Variants in ZC3H18 observed in about 807,000 individuals in gnomAD.
The protein encoded by ZC3H18 is zinc finger CCCH-type containing 18, also known as zinc finger CCCH domain-containing protein 18.
A neutral mutation model predicts 106.1 loss-of-function variants in ZC3H18; 8 were observed. The ratio of observed to expected loss-of-function variants is 0.08; its 90% CI spans 0.04 to 0.14. ZC3H18 has a LOEUF of 0.14. ZC3H18 is among the 10% of genes least tolerant of loss of function. The pLI is 1.00. For synonymous variants in ZC3H18, 635 were observed against 522.1 expected, an observed-to-expected ratio of 1.22 and a Z score of -2.95; for missense variants, 1,318 against 1,278.4, an observed-to-expected ratio of 1.03 and a Z score of -0.47.
At chr16:88,575,410 G>A (rs993023719) in intron 1 of ZC3H18, among the ~76,000 whole-genome samples, 4 of 152,082 alleles carry the variant, frequency 2.6e-5, no homozygotes, top group African/African-American at 7.2e-5. Context: ...CGTGACATAC[G>A]TTATTTTAAC....
intron 6 of ZC3H18, 122 bp from the exon 7 acceptor site, chr16:88,608,812 G>T: frequency 1.4e-6 from 1 of 718,128 alleles, no homozygotes. Context: ...AGCCAACCTT[G>T]CGCTCCTGGA....
rs1218817801 is a variant in ZC3H18 at position 88,631,704 on chromosome 16, G to A, written c.*405G>A. 11 of 450,886 alleles carry A rather than the reference G, an allele frequency of 2.4e-5. No individual in the cohort carries two copies. The highest frequency in any genetic ancestry group is 1.0e-4 in the African/African-American group (5 of 49,822). 27.9% of individuals were successfully genotyped at this position (450,886 alleles called of 1,614,324 possible). On this transcript the variant is annotated 3_prime_UTR_variant, in exon 18 of 18. Coordinates refer to ENST00000301011, the MANE Select transcript of ZC3H18 (RefSeq NM_144604.4). ...CCTGAGCTGAGAAACGGAACCTCGC[G>A]AACCACTGGTGGCACATCCTTCTCC...
At chr16:88,624,500 A>G (rs1283433365) in intron 11 of ZC3H18, 102 bp from the exon 12 acceptor site, 9 of 1,555,438 alleles carry the variant, frequency 5.8e-6, no homozygotes, top group Non-Finnish European at 8.8e-7. Flanking sequence ...CGTCACAGGC[A>G]TGCAGTGTCG....
intron 8 of ZC3H18, among the ~76,000 whole-genome samples, chr16:88,612,536 G>A (rs577515193): frequency 6.6e-6 from 1 of 151,850 alleles, no homozygotes; most frequent in Non-Finnish European, 1.5e-5. Flanking sequence ...AATTAGCTGG[G>A]GGAGGTGGCA....
intron 2 of ZC3H18, among the ~76,000 whole-genome samples, chr16:88,580,156 C>CTGTG (rs56406234): frequency 0.01 from 1,313 of 126,778 alleles, 11 homozygotes; most frequent in African/African-American, 0.022. Flanking sequence ...ACAGGTTCAT[C>CTGTG]TGTGTGTGTG....
chr16:88,617,623 T>C (rs1905703381), intron 8 of ZC3H18, among the ~76,000 whole-genome samples: 1 of 152,256 alleles, frequency 6.6e-6, no homozygotes, highest in Admixed American at 6.5e-5. Context: ...ACTTCCAGGT[T>C]TACCTTTGCA....
Position 88,577,180 on chromosome 16 carries a change from G to C in ZC3H18, c.57G>C (p.Gln19His), listed in dbSNP as rs1313405847. 2 of 1,607,482 alleles carry C rather than the reference G, an allele frequency of 1.2e-6. No individual in the cohort carries two copies. Among genetic ancestry groups the C allele is most frequent in the Non-Finnish European group, 1.7e-6 (2 of 1,176,026 alleles). ...CTCACTCTCCAGAGGATGAAGAGCA[G>C]CCACAGGGACTCTCGGACGATGACA... ...RDPHSPEDEE[Q>H]PQGLSDDDIL... Residue 19 changes from glutamine (Q) to histidine (H), a missense_variant, in exon 2 of 18, where the codon CAG (glutamine) becomes CAC (histidine). This residue lies in a region of ZC3H18 where 346 missense variants were observed against 269.0 expected (regional missense o/e 1.29). Coordinates refer to ENST00000301011, the MANE Select transcript of ZC3H18 (RefSeq NM_144604.4).
intron 2 of ZC3H18, among the ~76,000 whole-genome samples, chr16:88,582,488 A>G (rs1201897939): frequency 6.6e-6 from 1 of 152,114 alleles, no homozygotes; most frequent in Non-Finnish European, 1.5e-5. Flanking sequence ...GTCTGGATCC[A>G]TGAGCTCTTC....
rs114866066 is a variant in ZC3H18, at chr16:88,577,398, C to A, written c.275C>A (p.Pro92Gln). 3.8e-6 allele frequency: 6 copies of A among 1,598,328 alleles called. No individual in the cohort carries two copies. Among genetic ancestry groups the A allele is most frequent in the South Asian group, 3.4e-5 (3 of 89,252 alleles). Reference protein sequence around the residue: ...DSEVNELSRGPTSSPCEEEGD... With the variant: ...DSEVNELSRGQTSSPCEEEGD... ...GAGGTGAATGAGCTGAGCCGGGGCC[C>A]GACCAGCTCCCCCTGCGAGGAGGAG... Residue 92 changes from proline to glutamine, a missense_variant, in exon 2 of 18, where the codon CCG becomes CAG. By Grantham distance (76) the Pro-to-Gln change is moderately conservative. This residue lies in a region of ZC3H18 where 346 missense variants were observed against 269.0 expected (regional missense o/e 1.29). Coordinates refer to ENST00000301011, the MANE Select transcript of ZC3H18 (RefSeq NM_144604.4).
intron 8 of ZC3H18, among the ~76,000 whole-genome samples, chr16:88,617,441 GC>G (rs1222462846): frequency 6.6e-6 from 1 of 152,236 alleles, no homozygotes; most frequent in Admixed American, 6.5e-5. Context: ...AGCTAAGGGG[GC>G]GGTCCCTTAT....
Position 88,586,664 on chromosome 16 carries a change from C to T in ZC3H18, c.668C>T (p.Thr223Ile), listed in dbSNP as rs756358775. 9.9e-6 allele frequency: 16 copies of T among 1,614,204 alleles called. No homozygotes were observed. The highest frequency in any genetic ancestry group is 1.4e-5 in the Non-Finnish European group (16 of 1,180,030). The change falls in exon 3 of 18, where the codon ACC (threonine) becomes ATC (isoleucine). Residue 223 changes from threonine (T) to isoleucine (I), a missense_variant. This residue lies in a region of ZC3H18 where 30 missense variants were observed against 63.3 expected (regional missense o/e 0.47). Transcript: ENST00000301011. ...GACAGGAAGGTGAGGCCTCGTCCCACCTGCCGGTTCTTCATGAAAGGTAAT... is the reference window on the plus strand; with the variant it reads ...GACAGGAAGGTGAGGCCTCGTCCCATCTGCCGGTTCTTCATGAAAGGTAAT... ...PSDRKVRPRP[T>I]CRFFMKGNCT...
chr16:88,629,288 A>G (rs1411171172), intron 16 of ZC3H18, among the ~76,000 whole-genome samples: 1 of 152,324 alleles, frequency 6.6e-6, no homozygotes, highest in East Asian at 1.9e-4. Context: ...CAGCCTGGCT[A>G]ACATGGTGAA....
chr16:88,622,631 C>T (rs1597357409), intron 9 of ZC3H18: 2 of 507,344 alleles, frequency 3.9e-6, no homozygotes, highest in African/African-American at 1.9e-5. Context: ...AGCCTGACTG[C>T]TCCCAGGGAG....
At chr16:88,617,289 C>G (rs1258600181) in intron 8 of ZC3H18, among the ~76,000 whole-genome samples, 1 of 152,156 alleles carries the variant, frequency 6.6e-6, no homozygotes, top group Non-Finnish European at 1.5e-5. Flanking sequence ...CCAGCTCCCC[C>G]CTGGACCTGC....
intron 2 of ZC3H18, among the ~76,000 whole-genome samples, chr16:88,580,202 GTGTGTGTATA>G (rs1228259466): frequency 8.8e-4 from 88 of 100,480 alleles, no homozygotes; most frequent in Non-Finnish European, 1.2e-3. Context: ...GTGTGTGTGT[GTGTGTGTATA>G]TGTATATGTC....
At chr16:88,622,588 T>G (rs1906034423) in intron 9 of ZC3H18, 200 bp downstream of exon 9, 4 of 605,160 alleles carry the variant, frequency 6.6e-6, no homozygotes, top group Middle Eastern at 4.4e-4. Context: ...ACTGACGCAG[T>G]GACCCCAAAT....
chr16:88,591,055 C>G (rs1011509211), intron 3 of ZC3H18, among the ~76,000 whole-genome samples: 1 of 151,032 alleles, frequency 6.6e-6, no homozygotes, highest in South Asian at 2.1e-4. Flanking sequence ...ACTGCAAGCT[C>G]TGCCTCCTGG....
chr16:88,628,751 G>A lies in ZC3H18; in HGVS notation c.2470-7G>A, dbSNP rs1286202549. The A allele has an allele frequency of 7.4e-6, 12 of 1,613,746 alleles. No homozygotes were observed. The highest frequency in any genetic ancestry group is 1.0e-5 in the Non-Finnish European group (12 of 1,179,912). ...TGCTGTCCTCACTGGCCTCTCTCTTGTCCCAGGCGGCTGATAAAGGAAGCA... is the reference window on the plus strand; with the variant it reads ...TGCTGTCCTCACTGGCCTCTCTCTTATCCCAGGCGGCTGATAAAGGAAGCA... On this transcript the variant is annotated splice_polypyrimidine_tract_variant and splice_region_variant and intron_variant, in intron 15 of 17. Transcript: ENST00000301011.
intron 8 of ZC3H18, among the ~76,000 whole-genome samples, chr16:88,619,613 C>G (rs11860441): frequency 6.6e-6 from 1 of 152,192 alleles, no homozygotes; most frequent in Non-Finnish European, 1.5e-5. Flanking sequence ...ACCAGCTGCC[C>G]TGAGATTGTG....
Sources: allele counts gnomAD v4.1 joint callset (sites outside exome capture counted in the v4.1 genomes callset), GRCh38; gene constraint gnomAD v4.1.1; regional missense constraint gnomAD v4.1.1; transcripts MANE v1.5; gene names NCBI Gene and HGNC (gene_info 2026-07-23, HGNC 2026-07-21).